Variants in DOK5 observed in about 807,000 individuals in gnomAD.
DOK5 encodes the protein downstream of tyrosine kinase 5.
In DOK5, 27 loss-of-function variants were observed where a neutral mutation model predicts 43.3. That is an observed-to-expected ratio of 0.62 (90% CI 0.46 to 0.86). DOK5 has a LOEUF of 0.86. Among genes scored for constraint, DOK5 ranks in the 40% least tolerant of loss-of-function variants. DOK5 has a pLI of 0.00. For synonymous variants in DOK5, 146 were observed against 140.1 expected (o/e 1.04, Z -0.30); for missense variants, 373 against 392.9 (o/e 0.95, Z 0.43).
In DOK5 at chr20:54,588,622, G is replaced by A. The variant is rs201603374; in HGVS notation, c.289+25G>A. The A allele has an allele frequency of 1.8e-4, 297 of 1,614,000 alleles. 4 individuals carry two copies. The Middle Eastern group carries it at 2.5e-3, about 13-fold the overall frequency. On this transcript the variant is annotated intron_variant, in intron 3 of 7. Coordinates refer to ENST00000262593, the MANE Select transcript of DOK5 (RefSeq NM_018431.5). ...GGTTTGTCTCAGGCAGGGCTGGGGGGCTTTTGCTTTTAGATTCTGAATGGA... is the reference window on the plus strand; with the variant it reads ...GGTTTGTCTCAGGCAGGGCTGGGGGACTTTTGCTTTTAGATTCTGAATGGA...
intron 6 of DOK5, among the ~76,000 whole-genome samples, chr20:54,618,038 T>C (rs927086860): frequency 2.0e-5 from 3 of 152,186 alleles, no homozygotes; most frequent in African/African-American, 4.8e-5. Context: ...CTGTTTTGTG[T>C]GGCAGGATAC....
chr20:54,605,678 T>C (rs967377), intron 5 of DOK5, among the ~76,000 whole-genome samples: 63,803 of 152,216 alleles, frequency 0.42, 19,117 homozygotes, highest in African/African-American at 0.84. Context: ...AGGTTCCCGG[T>C]GATGCTTTTC....
At chr20:54,604,384 A>G (rs1427619326) in intron 5 of DOK5, among the ~76,000 whole-genome samples, 1 of 149,030 alleles carries the variant, frequency 6.7e-6, no homozygotes, top group East Asian at 2.0e-4. Flanking sequence ...TGGATTCCAG[A>G]TTTTCATTTT....
intron 1 of DOK5, among the ~76,000 whole-genome samples, chr20:54,491,670 A>G (rs1403589228): frequency 2.0e-5 from 3 of 152,198 alleles, no homozygotes; most frequent in Admixed American, 6.5e-5. Flanking sequence ...ACCTCTGCAC[A>G]GGAAGGGTGA....
intron 2 of DOK5, among the ~76,000 whole-genome samples, chr20:54,568,829 C>T (rs1004703138): frequency 2.6e-5 from 4 of 151,930 alleles, no homozygotes; most frequent in Non-Finnish European, 5.9e-5. Flanking sequence ...ACTCGGGAGG[C>T]TGAGGCAGGA....
intron 1 of DOK5, among the ~76,000 whole-genome samples, chr20:54,478,927 T>G (rs138853572): frequency 1.3e-5 from 2 of 152,318 alleles, no homozygotes; most frequent in East Asian, 3.9e-4. Flanking sequence ...AAGGCATAAA[T>G]GTTTATGCAG....
At chr20:54,617,930 C>G (rs541336543) in intron 6 of DOK5, among the ~76,000 whole-genome samples, 2 of 152,282 alleles carry the variant, frequency 1.3e-5, no homozygotes, top group Non-Finnish European at 2.9e-5. Context: ...ACTTTACTTG[C>G]CTTTTCTCTA....
chr20:54,523,628 G>A (rs1273485497), intron 1 of DOK5, among the ~76,000 whole-genome samples: 1 of 152,024 alleles, frequency 6.6e-6, no homozygotes, highest in Non-Finnish European at 1.5e-5. Flanking sequence ...GCTTTGAGAT[G>A]GAGTTTTGTT....
chr20:54,517,065 G>C lies in DOK5; in HGVS notation c.67-37868G>C, dbSNP rs538428573. 3.9e-5 allele frequency among the ~76,000 whole-genome samples: 6 copies of C among 152,160 alleles called. No homozygotes were observed. The South Asian group carries it at 1.2e-3, about 32-fold the overall frequency. ...TCCTTTCATTCCCTTTTTTATTTGAGAGTTTGAAAATAATGTTGTGTGCAA... is the reference window on the plus strand; with the variant it reads ...TCCTTTCATTCCCTTTTTTATTTGACAGTTTGAAAATAATGTTGTGTGCAA... On this transcript the variant is annotated intron_variant, in intron 1 of 7. Transcript: ENST00000262593.
chr20:54,582,309 A>T (rs6014065), intron 2 of DOK5, among the ~76,000 whole-genome samples: 48,048 of 151,626 alleles, frequency 0.32, 15,448 homozygotes, highest in African/African-American at 0.83. Context: ...GATATTGGCC[A>T]GTATTTTTCT....
At chr20:54,641,738 C>T (rs1489435906) in intron 6 of DOK5, among the ~76,000 whole-genome samples, 1 of 152,142 alleles carries the variant, frequency 6.6e-6, no homozygotes, top group Non-Finnish European at 1.5e-5. Flanking sequence ...CTGTAACCCC[C>T]TGTGTCTCCT....
intron 1 of DOK5, among the ~76,000 whole-genome samples, chr20:54,501,632 G>A (rs912064035): frequency 1.9e-4 from 29 of 152,122 alleles, no homozygotes; most frequent in African/African-American, 7.0e-4. Flanking sequence ...AAAGTCATAT[G>A]TAGAGTCCAA....
intron 1 of DOK5, among the ~76,000 whole-genome samples, chr20:54,524,023 A>G (rs971159704): frequency 1.3e-5 from 2 of 152,152 alleles, no homozygotes; most frequent in Non-Finnish European, 2.9e-5. Flanking sequence ...TTCTGGGACT[A>G]AACGTTTGTT....
At position 54,475,781 on chromosome 20, in the gene DOK5, G is replaced by T; in HGVS notation, c.-166G>T. 1.2e-6 allele frequency: 1 copy of T among 809,008 alleles called. No individual in the cohort carries two copies. The highest frequency in any genetic ancestry group is 1.7e-5 in the South Asian group (1 of 58,740). The allele number at this position is 809,008 out of a possible 1,614,324, so 50.1% of individuals were successfully genotyped here. On this transcript the variant is annotated 5_prime_UTR_variant, in exon 1 of 8. Coordinates refer to ENST00000262593, the MANE Select transcript of DOK5 (RefSeq NM_018431.5). The surrounding 1 kb of genome is among the most constrained non-coding windows in gnomAD (Gnocchi z 4.2). ...GCCCACTGTCAGGGTTGGGGGGACAGAGAAAGTGATGTGCGCCTTCTAAAG... is the reference window on the plus strand; with the variant it reads ...GCCCACTGTCAGGGTTGGGGGGACATAGAAAGTGATGTGCGCCTTCTAAAG...
At chr20:54,551,941 C>T (rs2146726261) in intron 1 of DOK5, among the ~76,000 whole-genome samples, 1 of 152,240 alleles carries the variant, frequency 6.6e-6, no homozygotes, top group South Asian at 2.1e-4. Flanking sequence ...AATTCATGTG[C>T]CTCAGCCTCC....
intron 1 of DOK5, among the ~76,000 whole-genome samples, chr20:54,535,305 A>T (rs1983924367): frequency 6.6e-6 from 1 of 151,642 alleles, no homozygotes; most frequent in Admixed American, 6.6e-5. Flanking sequence ...TTTTTTTTTA[A>T]AGAGTGCTTT....
Position 54,650,768 on chromosome 20 carries a change from G to GAAA in DOK5, c.*290_*291insAAA, listed in dbSNP as rs1979659831. 2 of 287,778 alleles carry GAAA rather than the reference G, an allele frequency of 6.9e-6. No homozygotes were observed. The highest frequency in any genetic ancestry group is 4.9e-5 in the Admixed American group (1 of 20,318). 17.8% of individuals were successfully genotyped at this position (287,778 alleles called of 1,614,324 possible). A position where few individuals can be genotyped will look rare whatever the true frequency, so the allele number is the denominator to read the frequency against. On this transcript the variant is annotated 3_prime_UTR_variant, in exon 8 of 8. Transcript: ENST00000262593. ...TGTCACGAAATGATTTTCTATTGTA[G>GAAA]ATACTTTGTCCCTTGCACTTCTCTG...
chr20:54,640,566 TG>T (rs891339569), intron 6 of DOK5, among the ~76,000 whole-genome samples: 4 of 152,226 alleles, frequency 2.6e-5, no homozygotes, highest in Non-Finnish European at 5.9e-5. Context: ...TAAAATTAGA[TG>T]TTTTTCCAAA....
At chr20:54,641,387 C>T (rs1458821822) in intron 6 of DOK5, among the ~76,000 whole-genome samples, 2 of 151,972 alleles carry the variant, frequency 1.3e-5, no homozygotes, top group African/African-American at 4.8e-5. Context: ...TGGTCTTCAA[C>T]ATATGAAGCC....
Sources: gnomAD v4.1 joint callset for allele counts (sites outside exome capture counted in the v4.1 genomes callset) on GRCh38, gnomAD v4.1.1 for gene constraint, Gnocchi (gnomAD v3.1) non-coding constraint, MANE v1.5 for transcripts, NCBI Gene and HGNC (gene_info 2026-07-23, HGNC 2026-07-21) for gene names.